C10orf105: variants seen among roughly 807,000 people sequenced by gnomAD.
C10orf105 encodes chromosome 10 open reading frame 105, also known as uncharacterized protein C10orf105.
C10orf105 carries 2 observed loss-of-function variants against 0.6 expected under a neutral mutation model. The ratio of observed to expected loss-of-function variants is 3.18; its 90% CI spans 1.30 to 10.01. The LOEUF (loss-of-function observed/expected upper bound fraction) is 10.01, where lower values mean the gene tolerates loss of function less well. Ranked by LOEUF, C10orf105 falls within the 30% of genes most tolerant of loss-of-function variation. The pLI is 0.04. For synonymous variants in C10orf105, 95 were observed against 82.4 expected (o/e 1.15, Z -0.83); for missense variants, 209 against 191.4 (o/e 1.09, Z -0.54).
At chr10:71,722,636 G>T (rs974929871), upstream of C10orf105, among the ~76,000 whole-genome samples, 2 of 152,244 alleles carry the variant, frequency 1.3e-5, no homozygotes, top group Admixed American at 1.3e-4. Flanking sequence ...GTGACCAGGG[G>T]TAGGGAAGGC....
chr10:71,734,563 C>G, intron 1 of C10orf105: 1 of 1,606,226 alleles, frequency 6.2e-7, no homozygotes, highest in Non-Finnish European at 8.5e-7. Flanking sequence ...AGAGACACTG[C>G]CGGGAGTGGG....
At chr10:71,728,667 G>C (rs1227298686) in intron 1 of C10orf105, among the ~76,000 whole-genome samples, 2 of 152,174 alleles carry the variant, frequency 1.3e-5, no homozygotes, top group African/African-American at 4.8e-5. Flanking sequence ...TTCCCCATTT[G>C]CTTCCCTCTC....
intron 1 of C10orf105, chr10:71,732,518 G>A: frequency 7.3e-7 from 1 of 1,365,022 alleles, no homozygotes; most frequent in Non-Finnish European, 9.9e-7. Flanking sequence ...TGTAGTCCCA[G>A]CTGCTTGAGA....
chr10:71,734,535 G>A (rs1839500957), intron 1 of C10orf105: 6 of 1,605,100 alleles, frequency 3.7e-6, no homozygotes, highest in African/African-American at 2.7e-5. Flanking sequence ...CCTCAGGCAG[G>A]TGGAGGGTGG....
chr10:71,734,715 C>T (rs568738644), intron 1 of C10orf105: 18 of 1,198,344 alleles, frequency 1.5e-5, no homozygotes, highest in South Asian at 1.4e-4. Context: ...CAGTGCTGGC[C>T]GGGCTCTGCC....
intron 1 of C10orf105, among the ~76,000 whole-genome samples, chr10:71,735,309 G>A (rs1434328212): frequency 6.6e-6 from 1 of 152,198 alleles, no homozygotes; most frequent in Non-Finnish European, 1.5e-5. Context: ...AGTAAAGGCA[G>A]AGAAGACCAT....
upstream of C10orf105, among the ~76,000 whole-genome samples, chr10:71,724,470 T>G (rs959073423): frequency 4.6e-5 from 7 of 152,202 alleles, no homozygotes; most frequent in African/African-American, 1.7e-4. Context: ...ATGCCTGTAA[T>G]TTTTTGTGCT....
At chr10:71,725,660 G>A in intron 1 of C10orf105, 2 of 1,038,958 alleles carry the variant, frequency 1.9e-6, no homozygotes, top group South Asian at 1.7e-5. Context: ...GGGCCTAAGG[G>A]TTCGGTGACA....
At chr10:71,728,843 A>G (rs990165757) in intron 1 of C10orf105, among the ~76,000 whole-genome samples, 1 of 152,122 alleles carries the variant, frequency 6.6e-6, no homozygotes, top group Admixed American at 6.5e-5. Context: ...AGCTGGGATT[A>G]CAGATGCATG....
intron 1 of C10orf105, chr10:71,732,421 A>C: frequency 1.3e-6 from 2 of 1,549,764 alleles, no homozygotes; most frequent in Non-Finnish European, 8.7e-7. Flanking sequence ...AATCTAACCA[A>C]CATTGGTTGA....
At chr10:71,725,776 T>C (rs1257582605) in intron 1 of C10orf105, among the ~76,000 whole-genome samples, 2 of 152,154 alleles carry the variant, frequency 1.3e-5, no homozygotes, top group African/African-American at 4.8e-5. Flanking sequence ...ATGAAAGAGG[T>C]GTCCTTACTG....
Position 71,713,968 on chromosome 10 carries a change from C to T in C10orf105, c.*1968G>A, listed in dbSNP as rs963788708. The T allele has an allele frequency of 6.6e-6, 1 of 152,468 alleles. No individual in the cohort carries two copies. The highest frequency in any genetic ancestry group is 2.4e-5 in the African/African-American group (1 of 41,422). The allele number at this position is 152,468 out of a possible 1,614,324, so 9.4% of individuals were successfully genotyped here. A position where few individuals can be genotyped will look rare whatever the true frequency, so the allele number is the denominator to read the frequency against. On this transcript the variant is annotated 3_prime_UTR_variant, in exon 2 of 2. Coordinates refer to ENST00000441508, the MANE Select transcript of C10orf105 (RefSeq NM_001164375.3). Reference sequence around the variant, plus strand: ...AAACCCTTAGGGAGGAGGCCTGCCCCACTTTCTAAACCCAAAGACTTGGTT... The same window carrying T: ...AAACCCTTAGGGAGGAGGCCTGCCCTACTTTCTAAACCCAAAGACTTGGTT...
rs759277096 is a variant in C10orf105, at chr10:71,716,129, C to T, written c.209G>A (p.Arg70Lys). Residue 70 changes from arginine (R) to lysine (K), a missense_variant, in exon 2 of 2, where the codon AGG (arginine) becomes AAG (lysine). Transcript: ENST00000441508. ...GTGGTGGGGCATGCACTCGTGAGCC[C>T]TGCGGCGGCTCGGGTCCAGCGCGGC... Reference protein sequence around the residue: ...KPAALDPSRRRAHECMPHHPG... With the variant: ...KPAALDPSRRKAHECMPHHPG... The T allele has an allele frequency of 3.1e-5, 48 of 1,549,730 alleles. No individual in the cohort carries two copies. The highest frequency in any genetic ancestry group is 3.5e-4 in the Middle Eastern group (2 of 5,728).
intron 1 of C10orf105, chr10:71,734,450 G>A (rs1005382195): frequency 4.7e-5 from 69 of 1,483,854 alleles, no homozygotes; most frequent in African/African-American, 2.5e-4. Context: ...GGCAGCGGGC[G>A]AGGGTCTTGA....
Position 71,730,575 on chromosome 10 carries a change from T to C in C10orf105, c.-6+7153A>G, listed in dbSNP as rs761287904. On this transcript the variant is annotated intron_variant, in intron 1 of 1. Coordinates refer to the C10orf105 transcript ENST00000398786. Reference sequence around the variant, plus strand: ...ACCGCAGGCATTGGAACGTCAGTCATCGTGGTCCAAGCCACAGACCGAGAC... The same window carrying C: ...ACCGCAGGCATTGGAACGTCAGTCACCGTGGTCCAAGCCACAGACCGAGAC... 3.1e-6 allele frequency: 5 copies of C among 1,613,878 alleles called. No individual in the cohort carries two copies. In the South Asian group the frequency reaches 5.5e-5, roughly 18 times the overall value.
In C10orf105 at chr10:71,713,628, G is replaced by C; in HGVS notation, c.*2308C>G. 1 of 309,190 alleles carries C rather than the reference G, an allele frequency of 3.2e-6. No individual in the cohort carries two copies. Among genetic ancestry groups the C allele is most frequent in the Non-Finnish European group, 6.1e-6 (1 of 163,302 alleles). The allele number at this position is 309,190 out of a possible 1,614,324, so 19.2% of individuals were successfully genotyped here. Reference sequence around the variant, plus strand: ...AAGCCCTGAGGATTTGCGAGAGTGTGGTGGCTAGCTCCAGAAGGAGGAAGT... The same window carrying C: ...AAGCCCTGAGGATTTGCGAGAGTGTCGTGGCTAGCTCCAGAAGGAGGAAGT... On this transcript the variant is annotated 3_prime_UTR_variant, in exon 2 of 2. Coordinates refer to ENST00000441508, the MANE Select transcript of C10orf105 (RefSeq NM_001164375.3).
At chr10:71,732,025 G>C in intron 1 of C10orf105, 1 of 1,613,970 alleles carries the variant, frequency 6.2e-7, no homozygotes, top group Non-Finnish European at 8.5e-7. Flanking sequence ...CCTGTCGGGC[G>C]CAGAGGGGAA....
intron 1 of C10orf105, among the ~76,000 whole-genome samples, chr10:71,733,386 A>G (rs1407781380): frequency 6.6e-6 from 1 of 152,142 alleles, no homozygotes; most frequent in Non-Finnish European, 1.5e-5. Context: ...TATTAACTGA[A>G]TCTCCAGCCT....
intron 1 of C10orf105, chr10:71,732,749 T>A: frequency 2.1e-5 from 23 of 1,120,794 alleles, no homozygotes; most frequent in South Asian, 1.4e-4. Flanking sequence ...CTGTTTTTCC[T>A]TCTGTTTTCA....
Sources: allele counts gnomAD v4.1 joint callset (sites outside exome capture counted in the v4.1 genomes callset), GRCh38; gene constraint gnomAD v4.1.1; transcripts MANE v1.5; gene names NCBI Gene and HGNC (gene_info 2026-07-23, HGNC 2026-07-21).